The following PPFIA4 variants were observed in gnomAD, a reference collection of about 807,000 sequenced individuals.
PPFIA4 encodes PPFI scaffold protein A4, also known as liprin-alpha-4.
PPFIA4 carries 98 observed loss-of-function variants against 145.7 expected under a neutral mutation model. The observed-to-expected ratio is 0.67, with a 90% CI of 0.57 to 0.80. The LOEUF (loss-of-function observed/expected upper bound fraction) is 0.80. PPFIA4 is among the 30% of genes least tolerant of loss of function. The pLI is 0.00. For synonymous variants in PPFIA4, 628 were observed against 649.6 expected, an observed-to-expected ratio of 0.97 and a Z score of 0.51; for missense variants, 1,457 against 1,632.7, an observed-to-expected ratio of 0.89 and a Z score of 1.85.
At chr1:203,046,796 G>A (rs976970596) in intron 9 of PPFIA4, among the ~76,000 whole-genome samples, 4 of 152,018 alleles carry the variant, frequency 2.6e-5, no homozygotes, top group African/African-American at 9.7e-5. Flanking sequence ...TATCCCTGAA[G>A]GGCAAAGGGG....
Position 203,060,830 on chromosome 1 carries a change from G to T in PPFIA4, c.2785-140G>T. On this transcript the variant is annotated intron_variant, in intron 22 of 29. Transcript: ENST00000295706. This position sits in a 1 kb window ranked among gnomAD's most constrained non-coding sequence, Gnocchi z 4.8. ...CCCTGGGGTGGAGTCTTTCATTGTC[G>T]GCCATCTCCATGATTGAGACCAGCC... 8 of 734,906 alleles carry T rather than the reference G, an allele frequency of 1.1e-5. No individual in the cohort carries two copies. Among genetic ancestry groups the T allele is most frequent in the East Asian group, 2.5e-5 (1 of 40,474 alleles). 45.5% of individuals were successfully genotyped at this position (734,906 alleles called of 1,614,324 possible).
chr1:203,035,496 C>T (rs1279290647), intron 1 of PPFIA4: 1 of 310,538 alleles, frequency 3.2e-6, no homozygotes, highest in African/African-American at 3.4e-5. Flanking sequence ...TGTCCAATCC[C>T]CCACCCCCAC....
chr1:203,036,456 C>A (rs1463620527), intron 1 of PPFIA4, among the ~76,000 whole-genome samples: 1 of 152,052 alleles, frequency 6.6e-6, no homozygotes, highest in Non-Finnish European at 1.5e-5. Flanking sequence ...TCCTGGCACA[C>A]TACAGTCTTC....
At position 203,044,110 on chromosome 1, in the gene PPFIA4, G is replaced by GC. The variant is rs1571680822; in HGVS notation, c.501+17dup. The GC allele has an allele frequency of 6.4e-7, 1 of 1,559,544 alleles. No individual in the cohort carries two copies. Among genetic ancestry groups the GC allele is most frequent in the Non-Finnish European group, 8.7e-7 (1 of 1,153,024 alleles). On this transcript the variant is annotated intron_variant, in intron 4 of 29. Transcript: ENST00000295706. Reference sequence around the variant, plus strand: ...TGGATGAGAAGGTGCCCACCTGCCCGCCAGCCCCCACATCCAGCCAGGCTG... The same window carrying GC: ...TGGATGAGAAGGTGCCCACCTGCCCGCCCAGCCCCCACATCCAGCCAGGCTG...
At chr1:203,026,685 C>T (rs985179177) in intron 1 of PPFIA4, 56 bp downstream of exon 1, 8 of 152,306 alleles carry the variant, frequency 5.3e-5, no homozygotes, top group African/African-American at 1.9e-4. Context: ...ATCTCCAGCT[C>T]CCCTCGACAG....
intron 28 of PPFIA4, among the ~76,000 whole-genome samples, chr1:203,074,598 G>A (rs989223361): frequency 6.6e-6 from 1 of 152,130 alleles, no homozygotes; most frequent in African/African-American, 2.4e-5. Flanking sequence ...AAACCCTAGC[G>A]GGGAAGGGCT....
intron 29 of PPFIA4, 186 bp from the exon 30 acceptor site, chr1:203,076,155 T>G: frequency 3.0e-6 from 2 of 669,404 alleles, no homozygotes; most frequent in East Asian, 5.5e-5. Context: ...GCTGCCGGCC[T>G]GGCCCTGCCG....
At chr1:203,046,666 T>TC (rs1021843043) in intron 9 of PPFIA4, among the ~76,000 whole-genome samples, 16 of 151,708 alleles carry the variant, frequency 1.1e-4, no homozygotes, top group Middle Eastern at 3.4e-3. Flanking sequence ...TTTTTCTTTT[T>TC]TTTTTTTTTT....
At chr1:203,052,046 C>CCT (rs1553257050) in intron 14 of PPFIA4, among the ~76,000 whole-genome samples, 169 bp downstream of exon 14, 2 of 29,464 alleles carry the variant, frequency 6.8e-5, no homozygotes, top group African/African-American at 2.2e-4. Context: ...AACAGCTGTG[C>CCT]CCCCCCCCCC....
At chr1:203,051,374 A>T in intron 13 of PPFIA4, 1 of 953,478 alleles carries the variant, frequency 1.0e-6, no homozygotes, top group East Asian at 1.0e-4. Context: ...CATCCCTTCC[A>T]ACATCTCCCA....
rs1419374317 is a variant in PPFIA4, at chr1:203,044,420, C to G, written c.543C>G (p.Thr181=). The G allele has an allele frequency of 2.1e-5, 33 of 1,551,840 alleles. No homozygotes were observed. The East Asian group carries it at 7.6e-4, about 36-fold the overall frequency. Residue 181 remains threonine (T), a synonymous_variant, in exon 5 of 30, where the codon ACC becomes ACG. Coordinates refer to ENST00000295706, the MANE Select transcript of PPFIA4 (RefSeq NM_001304331.2). ...GGGCAGCGCTGGAGCGAGTCACCACCTTGGAGGAGCAGCTGGCAGGTGCCC... is the reference window on the plus strand; with the variant it reads ...GGGCAGCGCTGGAGCGAGTCACCACGTTGGAGGAGCAGCTGGCAGGTGCCC... ...RLRAALERVT[T]LEEQLAGAHQ...
At chr1:203,062,717 G>T (rs1416572760) in intron 24 of PPFIA4, among the ~76,000 whole-genome samples, 2 of 152,126 alleles carry the variant, frequency 1.3e-5, no homozygotes, top group African/African-American at 4.8e-5. Context: ...GAAGAATGCA[G>T]ATCCTAAAAG....
rs1659883860 is a variant in PPFIA4, at chr1:203,043,984, G to A, written c.390G>A (p.Arg130=). Residue 130 remains arginine, a synonymous_variant, in exon 4 of 30, where the codon CGG becomes CGA. Transcript: ENST00000295706. The surrounding 1 kb of genome is among the most constrained non-coding windows in gnomAD (Gnocchi z 4.4). ...CLVSRHERSL[R]MTVVKRQAQS... ...TGTCCCGCCATGAACGGTCACTGCG[G>A]ATGACTGTGGTGAAGCGCCAGGCCC... The A allele has an allele frequency of 6.2e-7, 1 of 1,612,478 alleles. No individual in the cohort carries two copies. The highest frequency in any genetic ancestry group is 1.3e-5 in the African/African-American group (1 of 74,898).
At chr1:203,054,110 C>A in intron 15 of PPFIA4, 149 bp downstream of exon 15, 1 of 881,574 alleles carries the variant, frequency 1.1e-6, no homozygotes, top group Non-Finnish European at 1.8e-6. Context: ...ATCAGGCCCG[C>A]TGCCAGTGCC....
In PPFIA4 at chr1:203,075,334, C is replaced by T. The variant is rs1662445113; in HGVS notation, c.3394-243C>T. On this transcript the variant is annotated intron_variant, in intron 28 of 29. Coordinates refer to ENST00000295706, the MANE Select transcript of PPFIA4 (RefSeq NM_001304331.2). The surrounding 1 kb of genome is among the most constrained non-coding windows in gnomAD (Gnocchi z 4.1). ...ATGGCAGACCCAACAAGACTCTCCCCCGCCCCACACACCCCCTCCATCCGC... is the reference window on the plus strand; with the variant it reads ...ATGGCAGACCCAACAAGACTCTCCCTCGCCCCACACACCCCCTCCATCCGC... Among the ~76,000 whole-genome samples, 1 of 152,080 alleles carries T rather than the reference C, an allele frequency of 6.6e-6. No individual in the cohort carries two copies. The highest frequency in any genetic ancestry group is 6.5e-5 in the Admixed American group (1 of 15,280).
chr1:203,065,661 C>T (rs181200716), intron 25 of PPFIA4, among the ~76,000 whole-genome samples: 6 of 152,344 alleles, frequency 3.9e-5, no homozygotes, highest in East Asian at 1.9e-4. Flanking sequence ...TTTTATTCCA[C>T]GTAACATTTC....
At position 203,055,558 on chromosome 1, in the gene PPFIA4, T is replaced by A. The variant is rs1418672337; in HGVS notation, c.1956T>A (p.Ser652=). 1.2e-6 allele frequency: 2 copies of A among 1,613,852 alleles called. No homozygotes were observed. Among genetic ancestry groups the A allele is most frequent in the Non-Finnish European group, 1.7e-6 (2 of 1,179,878 alleles). Residue 652 remains serine, a synonymous_variant, in exon 16 of 30, where the codon TCT becomes TCA. Coordinates refer to ENST00000295706, the MANE Select transcript of PPFIA4 (RefSeq NM_001304331.2). This position sits in a 1 kb window ranked among gnomAD's most constrained non-coding sequence, Gnocchi z 4.8. Reference sequence around the variant, plus strand: ...GCAAGCGTGGTTCCATCCCCACCTCTCTGACGGCCCTGTCCCTGGCCAGCG... The same window carrying A: ...GCAAGCGTGGTTCCATCCCCACCTCACTGACGGCCCTGTCCCTGGCCAGCG... ...QLRKRGSIPT[S]LTALSLASAS...
Position 203,048,688 on chromosome 1 carries a change from G to T in PPFIA4, c.1330G>T (p.Glu444Ter). The T allele has an allele frequency of 6.2e-7, 1 of 1,611,184 alleles. No homozygotes were observed. Among genetic ancestry groups the T allele is most frequent in the Non-Finnish European group, 8.5e-7 (1 of 1,179,326 alleles). The change falls in exon 11 of 30, where the codon GAG becomes TAG. Residue 444 changes from glutamate (E) to a stop codon, truncating the protein, a stop_gained. Coordinates refer to ENST00000295706, the MANE Select transcript of PPFIA4 (RefSeq NM_001304331.2). LOFTEE classifies it high-confidence loss of function. This position sits in a 1 kb window ranked among gnomAD's most constrained non-coding sequence, Gnocchi z 5.8. ...SNERLQLHLKERMAALEEKNT... is the reference protein window; with the variant it reads ...SNERLQLHLK The stretch of plus-strand genomic sequence containing the variant: ...CGAGCGTCTGCAGCTCCACCTGAAG[G>T]AGCGCATGGCTGCCCTGGAGGAGAA...
At chr1:203,057,128 ATTGCC>A (rs1289138229) in intron 19 of PPFIA4, among the ~76,000 whole-genome samples, 178 bp downstream of exon 19, 1 of 152,160 alleles carries the variant, frequency 6.6e-6, no homozygotes, top group Admixed American at 6.5e-5. Flanking sequence ...GGCGGGGTGG[ATTGCC>A]TTGTGAGGGG....
Sources: allele counts gnomAD v4.1 joint callset (sites outside exome capture counted in the v4.1 genomes callset), GRCh38; gene constraint gnomAD v4.1.1; non-coding constraint Gnocchi (gnomAD v3.1); transcripts MANE v1.5; gene names NCBI Gene and HGNC (gene_info 2026-07-23, HGNC 2026-07-21).